The following DSCAM variants were observed in gnomAD, a reference collection of about 807,000 sequenced individuals.
DSCAM encodes DS cell adhesion molecule.
A neutral mutation model predicts 217.7 loss-of-function variants in DSCAM; 47 were observed. The observed-to-expected ratio is 0.22, with a 90% CI of 0.17 to 0.28. The LOEUF (loss-of-function observed/expected upper bound fraction) is 0.28, where lower values mean the gene tolerates loss of function less well. Among genes scored for constraint, DSCAM ranks in the 10% least tolerant of loss-of-function variants. The probability of loss-of-function intolerance (pLI) is 1.00; values close to 1 mark genes in which losing one functional copy is unlikely to be tolerated. For missense variants in DSCAM, 2,080 were observed against 2,618.3 expected, an observed-to-expected ratio of 0.79 and a Z score of 4.49; for synonymous variants, 1,056 against 1,015.3, an observed-to-expected ratio of 1.04 and a Z score of -0.76.
At chr21:40,312,425 G>C in intron 8 of DSCAM, 66 bp from the exon 9 acceptor site, 5 of 1,551,436 alleles carry the variant, frequency 3.2e-6, no homozygotes, top group South Asian at 1.2e-5. Flanking sequence ...CTTTAACCCT[G>C]TATACGGCAC....
At chr21:40,060,446 A>G (rs1186152593) in intron 28 of DSCAM, among the ~76,000 whole-genome samples, 1 of 152,138 alleles carries the variant, frequency 6.6e-6, no homozygotes, top group East Asian at 1.9e-4. Context: ...CATGATTTAC[A>G]GTTTGGGAGT....
At chr21:40,838,358 C>T (rs545701458) in intron 1 of DSCAM, among the ~76,000 whole-genome samples, 1 of 152,290 alleles carries the variant, frequency 6.6e-6, no homozygotes, top group Admixed American at 6.5e-5. Flanking sequence ...GGGCTACCTC[C>T]CAACAGCCCC....
intron 1 of DSCAM, among the ~76,000 whole-genome samples, chr21:40,823,074 C>T (rs915597682): frequency 4.6e-5 from 7 of 151,990 alleles, no homozygotes; most frequent in Non-Finnish European, 8.8e-5. Context: ...TGCTTGAACC[C>T]GGGAGGCAGA....
intron 1 of DSCAM, among the ~76,000 whole-genome samples, chr21:40,797,077 A>G (rs532709374): frequency 6.6e-6 from 1 of 152,200 alleles, no homozygotes; most frequent in Non-Finnish European, 1.5e-5. Context: ...ATCCAATAGC[A>G]TGTTCATTGA....
intron 3 of DSCAM, among the ~76,000 whole-genome samples, chr21:40,371,060 C>T (rs776783149): frequency 4.6e-5 from 7 of 151,964 alleles, no homozygotes; most frequent in Admixed American, 1.3e-4. Flanking sequence ...TTCAAAGGAG[C>T]GCAAATTAAT....
chr21:40,686,767 C>A (rs2090483202), intron 3 of DSCAM, among the ~76,000 whole-genome samples: 1 of 152,124 alleles, frequency 6.6e-6, no homozygotes, highest in South Asian at 2.1e-4. Context: ...GGCTGTGCCC[C>A]TCGCCTTACA....
chr21:40,678,859 C>T (rs116318908), intron 3 of DSCAM, among the ~76,000 whole-genome samples: 150 of 152,296 alleles, frequency 9.8e-4, no homozygotes, highest in African/African-American at 3.2e-3. Context: ...TGCTGTAACG[C>T]GCCTCTGAAG....
rs1203279904 is a variant in DSCAM at position 40,632,001 on chromosome 21, T to C, written c.508+60809A>G. ...GACAAAGTCTGCCTCCCTGCGCTAC[T>C]GCACAGGTTCTGTGAGAAGGTGCAT... is the stretch of plus-strand genomic sequence containing the variant. On this transcript the variant is annotated intron_variant, in intron 3 of 32. Coordinates refer to ENST00000400454, the MANE Select transcript of DSCAM (RefSeq NM_001389.5). Among the ~76,000 whole-genome samples the C allele has an allele frequency of 2.6e-5, 4 of 152,268 alleles. No homozygotes were observed. The South Asian group carries it at 6.2e-4, about 24-fold the overall frequency.
In DSCAM at chr21:40,338,059, C is replaced by T. The variant is rs2074446857; in HGVS notation, c.1783+42G>A. The T allele has an allele frequency of 5.0e-6, 8 of 1,600,986 alleles. No individual in the cohort carries two copies. In the East Asian group the frequency reaches 1.8e-4, roughly 36 times the overall value. On this transcript the variant is annotated intron_variant, in intron 8 of 32. Transcript: ENST00000400454. Reference sequence around the variant, plus strand: ...ATCATTGGTCTGGGAAGTAGTCGGGCTATGGAATGAGTTGTGTGGGAACCA... The same window carrying T: ...ATCATTGGTCTGGGAAGTAGTCGGGTTATGGAATGAGTTGTGTGGGAACCA...
intron 11 of DSCAM, among the ~76,000 whole-genome samples, chr21:40,230,036 A>G (rs2091367810): frequency 6.6e-6 from 1 of 152,252 alleles, no homozygotes; most frequent in South Asian, 2.1e-4. Context: ...ATTCTAATAG[A>G]TGCACAGTAC....
At chr21:40,659,958 A>G (rs574656636) in intron 3 of DSCAM, among the ~76,000 whole-genome samples, 22 of 152,374 alleles carry the variant, frequency 1.4e-4, no homozygotes, top group Non-Finnish European at 2.9e-4. Context: ...TTAAAAGAGA[A>G]TAGCAAATGG....
chr21:40,480,338 G>A (rs2075971548), intron 3 of DSCAM, among the ~76,000 whole-genome samples: 2 of 151,904 alleles, frequency 1.3e-5, no homozygotes, highest in Non-Finnish European at 2.9e-5. Flanking sequence ...GCCTTTTAGG[G>A]AAGAGAGAGT....
At chr21:40,056,973 A>T (rs1489170535) in intron 28 of DSCAM, among the ~76,000 whole-genome samples, 1 of 152,224 alleles carries the variant, frequency 6.6e-6, no homozygotes, top group African/African-American at 2.4e-5. Context: ...CTCTTAAACC[A>T]AGTGGTGGAC....
intron 3 of DSCAM, among the ~76,000 whole-genome samples, chr21:40,666,759 C>A (rs2090206082): frequency 6.6e-6 from 1 of 152,206 alleles, no homozygotes; most frequent in Admixed American, 6.5e-5. Context: ...TAGCGCTAGA[C>A]AACAATGACA....
intron 3 of DSCAM, among the ~76,000 whole-genome samples, chr21:40,572,512 AAC>A (rs2076816089): frequency 6.6e-6 from 1 of 152,202 alleles, no homozygotes; most frequent in Non-Finnish European, 1.5e-5. Context: ...TTTTACAAGA[AAC>A]ACTTAGAGCA....
intron 3 of DSCAM, among the ~76,000 whole-genome samples, chr21:40,415,249 G>A (rs1458668600): frequency 6.6e-6 from 1 of 152,132 alleles, no homozygotes. Flanking sequence ...AAAAAGAAAA[G>A]ACAGATGGAA....
chr21:40,485,643 A>T (rs1258769780), intron 3 of DSCAM, among the ~76,000 whole-genome samples: 1 of 152,156 alleles, frequency 6.6e-6, no homozygotes, highest in Non-Finnish European at 1.5e-5. Context: ...AAATGTATTT[A>T]AGTTTAAATA....
intron 1 of DSCAM, among the ~76,000 whole-genome samples, chr21:40,840,985 G>A (rs2092096604): frequency 6.6e-6 from 1 of 152,232 alleles, no homozygotes; most frequent in Admixed American, 6.5e-5. Flanking sequence ...CTAAGGACAC[G>A]CTCAGGCTTC....
intron 9 of DSCAM, among the ~76,000 whole-genome samples, chr21:40,297,487 A>G (rs2073967937): frequency 6.6e-6 from 1 of 152,186 alleles, no homozygotes; most frequent in Non-Finnish European, 1.5e-5. Context: ...TAATCTCATC[A>G]GCCTTGCAAG....
Sources: gnomAD v4.1 joint callset for allele counts (sites outside exome capture counted in the v4.1 genomes callset) on GRCh38, gnomAD v4.1.1 for gene constraint, MANE v1.5 for transcripts, NCBI Gene and HGNC (gene_info 2026-07-23, HGNC 2026-07-21) for gene names.